The following IQGAP2 variants were observed in gnomAD, a reference collection of about 807,000 sequenced individuals.
IQGAP2 encodes ras GTPase-activating-like protein IQGAP2.
In IQGAP2, 173 loss-of-function variants were observed where a neutral mutation model predicts 201.3. The ratio of observed to expected loss-of-function variants is 0.86; its 90% CI spans 0.76 to 0.98. The LOEUF (loss-of-function observed/expected upper bound fraction) is 0.98, where lower values mean the gene tolerates loss of function less well. Ranked by LOEUF, IQGAP2 falls within the 50% of genes least tolerant of loss-of-function variation. The pLI is 0.00. For missense variants in IQGAP2, 1,687 were observed against 1,864.8 expected, an observed-to-expected ratio of 0.90 and a Z score of 1.76; for synonymous variants, 675 against 673.9, an observed-to-expected ratio of 1.00 and a Z score of -0.03.
intron 1 of IQGAP2, among the ~76,000 whole-genome samples, chr5:76,431,099 G>T (rs1466679390): frequency 6.6e-6 from 1 of 151,936 alleles, no homozygotes; most frequent in Non-Finnish European, 1.5e-5. Flanking sequence ...AAAAATTCAG[G>T]AAATAGTCTT....
rs149585623 is a variant in IQGAP2 at position 76,669,483 on chromosome 5, T to G, written c.2843+639T>G. 5.6e-3 allele frequency among the ~76,000 whole-genome samples: 852 copies of G among 152,212 alleles called. 8 individuals carry two copies. The highest frequency in any genetic ancestry group is 0.019 in the African/African-American group (780 of 41,482). Reference sequence around the variant, plus strand: ...CTATGCAGTGGAATGTGGTAAGTACTAAATGAAGGACGCGTCTAAATGAAG... The same window carrying G: ...CTATGCAGTGGAATGTGGTAAGTACGAAATGAAGGACGCGTCTAAATGAAG... On this transcript the variant is annotated intron_variant, in intron 23 of 35. Coordinates refer to ENST00000274364, the MANE Select transcript of IQGAP2 (RefSeq NM_006633.5).
rs1461846337 is a variant in IQGAP2 at position 76,654,970 on chromosome 5, G to A, written c.2287G>A (p.Ala763Thr). Residue 763 changes from alanine (A) to threonine (T), a missense_variant, in exon 20 of 36, where the codon GCG (alanine) becomes ACG (threonine). Transcript: ENST00000274364. ...TGTGAAAATACAGTCACTGTTGAGA[G>A]CGAACAAAGCTAGAGATGACTACAA... ...EIVKIQSLLR[A>T]NKARDDYKTL... 1 of 1,613,088 alleles carries A rather than the reference G, an allele frequency of 6.2e-7. No homozygotes were observed. Among genetic ancestry groups the A allele is most frequent in the Non-Finnish European group, 8.5e-7 (1 of 1,179,292 alleles).
intron 15 of IQGAP2, among the ~76,000 whole-genome samples, chr5:76,635,143 A>G (rs1385682963): frequency 2.0e-5 from 3 of 152,242 alleles, no homozygotes; most frequent in Non-Finnish European, 2.9e-5. Context: ...GAATTACATA[A>G]TTGTATTAAT....
At chr5:76,658,741 G>A in intron 21 of IQGAP2, 74 bp downstream of exon 21, 2 of 1,255,346 alleles carry the variant, frequency 1.6e-6, no homozygotes, top group Non-Finnish European at 2.3e-6. Context: ...GTCACTTAAT[G>A]ACAGGGATAC....
chr5:76,574,198 T>C (rs1433610921), intron 4 of IQGAP2, among the ~76,000 whole-genome samples: 1 of 152,336 alleles, frequency 6.6e-6, no homozygotes, highest in South Asian at 2.1e-4. Flanking sequence ...TCTAAATGAT[T>C]ATCTTAATTT....
At chr5:76,493,461 T>C (rs1291885375) in intron 2 of IQGAP2, among the ~76,000 whole-genome samples, 4 of 152,048 alleles carry the variant, frequency 2.6e-5, no homozygotes, top group African/African-American at 9.7e-5. Flanking sequence ...CTATTTACAA[T>C]TGTAACCTGT....
intron 5 of IQGAP2, among the ~76,000 whole-genome samples, chr5:76,578,319 C>CT (rs77800513): frequency 0.02 from 2,925 of 148,416 alleles, 82 homozygotes; most frequent in African/African-American, 0.064. Flanking sequence ...TGGATGGCAT[C>CT]TTTTTTTTTT....
chr5:76,531,768 A>AT (rs1287134835), intron 2 of IQGAP2, among the ~76,000 whole-genome samples: 36 of 152,318 alleles, frequency 2.4e-4, no homozygotes, highest in Non-Finnish European at 1.6e-4. Context: ...CCTCCACTCA[A>AT]TACTTCTTCC....
chr5:76,606,845 T>C (rs1747842073), intron 12 of IQGAP2: 1 of 152,244 alleles, frequency 6.6e-6, no homozygotes, highest in African/African-American at 2.4e-5. Flanking sequence ...AGCTTGCTGC[T>C]TTATCATTTG....
At chr5:76,561,649 T>C (rs1009728205) in intron 2 of IQGAP2, among the ~76,000 whole-genome samples, 54 of 152,164 alleles carry the variant, frequency 3.5e-4, no homozygotes, top group African/African-American at 9.2e-4. Context: ...AGCACACCAT[T>C]GTGACATGTG....
chr5:76,516,199 T>C (rs1171694877), intron 2 of IQGAP2, among the ~76,000 whole-genome samples: 2 of 152,130 alleles, frequency 1.3e-5, no homozygotes, highest in African/African-American at 4.8e-5. Flanking sequence ...TAAAAGGAAG[T>C]ATAGTTTAAT....
chr5:76,561,940 A>C (rs192379187), intron 2 of IQGAP2, among the ~76,000 whole-genome samples: 1 of 152,212 alleles, frequency 6.6e-6, no homozygotes, highest in East Asian at 1.9e-4. Flanking sequence ...CCTGGTAGTC[A>C]TTCCTGGACT....
Position 76,656,030 on chromosome 5 carries a change from T to C in IQGAP2, c.2320+1027T>C, listed in dbSNP as rs1752883834. 2.6e-5 allele frequency among the ~76,000 whole-genome samples: 4 copies of C among 152,190 alleles called. 1 individual carries two copies. The highest frequency in any genetic ancestry group is 2.6e-4 in the Admixed American group (4 of 15,280). ...TGTCTGAATTAAGGGATGAAGTATA[T>C]GGCTCAAGAAAGATCTTCCCTGGTA... is the stretch of plus-strand genomic sequence containing the variant. On this transcript the variant is annotated intron_variant, in intron 20 of 35. Transcript: ENST00000274364.
At chr5:76,658,836 T>C (rs1742994821) in intron 21 of IQGAP2, among the ~76,000 whole-genome samples, 169 bp downstream of exon 21, 1 of 152,198 alleles carries the variant, frequency 6.6e-6, no homozygotes, top group African/African-American at 2.4e-5. Context: ...TGGAGTCTAC[T>C]ACACATCTAG....
intron 2 of IQGAP2, among the ~76,000 whole-genome samples, chr5:76,485,804 C>T (rs1322593760): frequency 6.6e-6 from 1 of 152,118 alleles, no homozygotes; most frequent in East Asian, 1.9e-4. Context: ...CTGGGTCTGT[C>T]CTGTTCTCTG....
At chr5:76,487,013 A>G (rs1171137846) in intron 2 of IQGAP2, among the ~76,000 whole-genome samples, 4 of 152,086 alleles carry the variant, frequency 2.6e-5, no homozygotes, top group Admixed American at 2.6e-4. Flanking sequence ...TGTTTTAAGC[A>G]CAATAGTGTT....
At chr5:76,405,242 G>T (rs1032353470) in intron 1 of IQGAP2, among the ~76,000 whole-genome samples, 1 of 152,224 alleles carries the variant, frequency 6.6e-6, no homozygotes, top group Admixed American at 6.5e-5. Flanking sequence ...GATTTTCACG[G>T]AATAAATCTG....
intron 1 of IQGAP2, among the ~76,000 whole-genome samples, chr5:76,452,174 C>A (rs1305435334): frequency 6.8e-6 from 1 of 147,476 alleles, no homozygotes; most frequent in Non-Finnish European, 1.5e-5. Flanking sequence ...GGTGATCTAC[C>A]CGAGTGCTGG....
chr5:76,461,378 A>T (rs11950007), intron 1 of IQGAP2, among the ~76,000 whole-genome samples, 192 bp from the exon 2 acceptor site: 3 of 151,710 alleles, frequency 2.0e-5, no homozygotes, highest in East Asian at 2.0e-4. Context: ...AAAAAAAAAA[A>T]AAATAAAAAT....
Sources: gnomAD v4.1 joint callset for allele counts (sites outside exome capture counted in the v4.1 genomes callset) on GRCh38, gnomAD v4.1.1 for gene constraint, MANE v1.5 for transcripts, NCBI Gene and HGNC (gene_info 2026-07-23, HGNC 2026-07-21) for gene names.